The following MAP1A variants were observed in gnomAD, a reference collection of about 807,000 sequenced individuals.
MAP1A encodes the protein microtubule associated protein 1A.
A neutral mutation model predicts 185.9 loss-of-function variants in MAP1A; 42 were observed. The observed-to-expected ratio is 0.23, with a 90% CI of 0.18 to 0.29. MAP1A has a LOEUF of 0.29. Ranked by LOEUF, MAP1A falls within the 10% of genes least tolerant of loss-of-function variation. MAP1A has a pLI of 1.00. For missense variants in MAP1A, 2,995 were observed against 3,450.4 expected, an observed-to-expected ratio of 0.87 and a Z score of 3.31; for synonymous variants, 1,229 against 1,335.9, an observed-to-expected ratio of 0.92 and a Z score of 1.74.
At position 43,527,094 on chromosome 15, in the gene MAP1A, C is replaced by T. The variant is rs1283789148; in HGVS notation, c.5621C>T (p.Ala1874Val). Residue 1874 changes from alanine to valine, a missense_variant, in exon 4 of 6, where the codon GCA (alanine) becomes GTA (valine). This residue lies in a region of MAP1A where 2,728 missense variants were observed against 2,986.0 expected (regional missense o/e 0.91). Transcript: ENST00000300231. The stretch of plus-strand genomic sequence containing the variant: ...CCTGCCCCGGAATCCCATACTCCTG[C>T]ACCCTTCTCTTGGGGCACAGCCGAG... Reference protein sequence around the residue: ...PTPAPESHTPAPFSWGTAEYD... With the variant: ...PTPAPESHTPVPFSWGTAEYD... The T allele has an allele frequency of 1.3e-6, 2 of 1,594,766 alleles. No homozygotes were observed. Among genetic ancestry groups the T allele is most frequent in the South Asian group, 1.1e-5 (1 of 87,188 alleles).
At chr15:43,511,743 T>A (rs981397010) in intron 1 of MAP1A, among the ~76,000 whole-genome samples, 2 of 152,146 alleles carry the variant, frequency 1.3e-5, no homozygotes, top group African/African-American at 2.4e-5. Flanking sequence ...TGTGGTGCAG[T>A]GCTGCGGAGC....
Position 43,521,713 on chromosome 15 carries a change from C to A in MAP1A, c.240C>A (p.Asp80Glu). ...SCFWKLVRHL[D>E]RIDSVLLTHI... ...TTTGGAAGCTGGTACGGCACTTGGA[C>A]CGCATTGACTCGGTGCTACTCACAC... The change falls in exon 4 of 6, where the codon GAC becomes GAA. Residue 80 changes from aspartate to glutamate, a missense_variant. Asp to Glu is a conservative substitution (Grantham distance 45). Around this residue, in one of 3 missense-constraint regions of MAP1A, gnomAD observed 264 missense variants for 435.3 expected, o/e 0.61. Transcript: ENST00000300231. The surrounding 1 kb of genome is among the most constrained non-coding windows in gnomAD (Gnocchi z 4.6). 1 of 1,614,202 alleles carries A rather than the reference C, an allele frequency of 6.2e-7. No individual in the cohort carries two copies. The highest frequency in any genetic ancestry group is 8.5e-7 in the Non-Finnish European group (1 of 1,180,040).
rs1237880391 is a variant in MAP1A, at chr15:43,523,298, G to A, written c.1825G>A (p.Gly609Ser). The A allele has an allele frequency of 3.7e-6, 6 of 1,612,764 alleles. No individual in the cohort carries two copies. Among genetic ancestry groups the A allele is most frequent in the Non-Finnish European group, 2.5e-6 (3 of 1,179,426 alleles). Residue 609 changes from glycine to serine, a missense_variant, in exon 4 of 6, where the codon GGC becomes AGC. This residue lies in a region of MAP1A where 2,728 missense variants were observed against 2,986.0 expected (regional missense o/e 0.91). Transcript: ENST00000300231. ...TGAGGAACAAGGCAGCAAGGACAGA[G>A]GCCTAGACTCTGGGGCTGAAACAGA... ...VPEEQGSKDRGLDSGAETEEE... is the reference protein window; with the variant it reads ...VPEEQGSKDRSLDSGAETEEE...
At chr15:43,518,517 C>A (rs1435033481) in intron 1 of MAP1A, among the ~76,000 whole-genome samples, 2 of 152,156 alleles carry the variant, frequency 1.3e-5, no homozygotes, top group South Asian at 4.1e-4. Context: ...ATCCCCACCC[C>A]CCATGCAGAA....
rs1165081241 is a variant in MAP1A, at chr15:43,524,299, G to A, written c.2826G>A (p.Glu942=). The change falls in exon 4 of 6, where the codon GAG becomes GAA. Residue 942 remains glutamate, a synonymous_variant. Coordinates refer to ENST00000300231, the MANE Select transcript of MAP1A (RefSeq NM_002373.6). ...GAGAGAGAGCTGTGGAAGAGGAAGA[G>A]GAGGAGACAGCAAACGTAGAGATGT... is the stretch of plus-strand genomic sequence containing the variant. ...LSGERAVEEE[E]EETANVEMSE... 2 of 1,614,100 alleles carry A rather than the reference G, an allele frequency of 1.2e-6. No individual in the cohort carries two copies. The highest frequency in any genetic ancestry group is 2.2e-5 in the East Asian group (1 of 44,900).
In MAP1A at chr15:43,530,704, T is replaced by C; in HGVS notation, c.*480T>C. ...AGGTGCCCAGAGCTGCACCCTTTCC[T>C]CCATTTCCCATCCCCCATCTCCTCA... On this transcript the variant is annotated 3_prime_UTR_variant, in exon 6 of 6. Coordinates refer to ENST00000300231, the MANE Select transcript of MAP1A (RefSeq NM_002373.6). The C allele has an allele frequency of 5.9e-6, 1 of 168,882 alleles. No homozygotes were observed. 10.5% of individuals were successfully genotyped at this position (168,882 alleles called of 1,614,324 possible). A position where few individuals can be genotyped will look rare whatever the true frequency, so the allele number is the denominator to read the frequency against.
chr15:43,525,754 G>A lies in MAP1A; in HGVS notation c.4281G>A (p.Lys1427=), dbSNP rs1595649377. The change falls in exon 4 of 6, where the codon AAG becomes AAA. Residue 1427 remains lysine, a synonymous_variant. Coordinates refer to ENST00000300231, the MANE Select transcript of MAP1A (RefSeq NM_002373.6). ...ACACAGCCCTAGAACAGAAGGACAAGGCCCTGGAACCAAAAGACAAAGACT... is the reference window on the plus strand; with the variant it reads ...ACACAGCCCTAGAACAGAAGGACAAAGCCCTGGAACCAAAAGACAAAGACT... ...QKDTALEQKD[K]ALEPKDKDLE... 2 of 1,614,080 alleles carry A rather than the reference G, an allele frequency of 1.2e-6. No individual in the cohort carries two copies. Among genetic ancestry groups the A allele is most frequent in the East Asian group, 4.5e-5 (2 of 44,890 alleles).
chr15:43,529,425 C>T lies in MAP1A; in HGVS notation c.7952C>T (p.Thr2651Ile). The T allele has an allele frequency of 6.2e-7, 1 of 1,613,946 alleles. No individual in the cohort carries two copies. Among genetic ancestry groups the T allele is most frequent in the South Asian group, 1.1e-5 (1 of 91,076 alleles). Residue 2651 changes from threonine to isoleucine, a missense_variant, in exon 4 of 6, where the codon ACA (threonine) becomes ATA (isoleucine). This residue lies in a region of MAP1A where 2,728 missense variants were observed against 2,986.0 expected (regional missense o/e 0.91). Coordinates refer to ENST00000300231, the MANE Select transcript of MAP1A (RefSeq NM_002373.6). The surrounding 1 kb of genome is among the most constrained non-coding windows in gnomAD (Gnocchi z 4.3). Reference sequence around the variant, plus strand: ...GCCCCACCTCGACCACGCAGCACCACAAGCCAGGTCACCCCAGCAGAGGAA... The same window carrying T: ...GCCCCACCTCGACCACGCAGCACCATAAGCCAGGTCACCCCAGCAGAGGAA... ...SRAPPRPRST[T>I]SQVTPAEEKD...
At position 43,528,202 on chromosome 15, in the gene MAP1A, C is replaced by T; in HGVS notation, c.6729C>T (p.Leu2243=). The change falls in exon 4 of 6, where the codon CTC becomes CTT. Residue 2243 remains leucine (L), a synonymous_variant. Transcript: ENST00000300231. ...CACCCAGTTCTCCTGGGGCCCCTCT[C>T]CTCTCCAATCTGCCACGACCTGCCT... The part of the protein sequence containing the change: ...LPSPSSPGAP[L]LSNLPRPASP... 1.9e-6 allele frequency: 3 copies of T among 1,614,152 alleles called. No homozygotes were observed. Among genetic ancestry groups the T allele is most frequent in the Non-Finnish European group, 2.5e-6 (3 of 1,180,038 alleles).
rs774257381 is a variant in MAP1A, at chr15:43,524,066, AGCT to A, written c.2594_2596del (p.Ser865_Ser866delinsThr). ...TCCCCAGACAGAGGAGACAGGCAAG[AGCT>A]CCCTGCTGCTTGACACAGTCACAAG... On this transcript the variant is annotated inframe_deletion, in exon 4 of 6. Coordinates refer to ENST00000300231, the MANE Select transcript of MAP1A (RefSeq NM_002373.6). 3 of 1,613,982 alleles carry A rather than the reference AGCT, an allele frequency of 1.9e-6. No homozygotes were observed. The highest frequency in any genetic ancestry group is 3.3e-5 in the Admixed American group (2 of 59,996).
In MAP1A at chr15:43,526,723, CT is replaced by C; in HGVS notation, c.5251del (p.Trp1751GlyfsTer17). The part of the protein sequence containing the change: ...PLREHATRSP[W>X]ASDFKDFQES... Reference sequence around the variant, plus strand: ...TGCGGGAACACGCAACCCGGAGCCCCTGGGCCTCAGACTTCAAGGATTTCCA... The same window carrying C: ...TGCGGGAACACGCAACCCGGAGCCCCGGGCCTCAGACTTCAAGGATTTCCA... On this transcript the variant is annotated frameshift_variant, in exon 4 of 6. Coordinates refer to ENST00000300231, the MANE Select transcript of MAP1A (RefSeq NM_002373.6). LOFTEE classifies it high-confidence loss of function. This position sits in a 1 kb window ranked among gnomAD's most constrained non-coding sequence, Gnocchi z 4.7. The C allele has an allele frequency of 6.2e-7, 1 of 1,614,098 alleles. No homozygotes were observed.
In MAP1A at chr15:43,521,613, G is replaced by T; in HGVS notation, c.140G>T (p.Arg47Leu). Residue 47 changes from arginine to leucine, a missense_variant, in exon 4 of 6, where the codon CGT becomes CTT. Physicochemically the swap from Arg to Leu is moderately radical, Grantham distance 102. Transcript: ENST00000300231. The surrounding 1 kb of genome is among the most constrained non-coding windows in gnomAD (Gnocchi z 4.6). ...TGTTGCTACATCTTCCCAGGTGGTC[G>T]TGGGGACTCTGCCCTCTTTGCTGTC... ...KPCCYIFPGG[R>L]GDSALFAVNG... The T allele has an allele frequency of 6.2e-7, 1 of 1,614,088 alleles. No individual in the cohort carries two copies. Among genetic ancestry groups the T allele is most frequent in the Non-Finnish European group, 8.5e-7 (1 of 1,180,024 alleles).
chr15:43,528,033 G>T lies in MAP1A; in HGVS notation c.6560G>T (p.Arg2187Leu). Residue 2187 changes from arginine to leucine, a missense_variant, in exon 4 of 6, where the codon CGC becomes CTC. Physicochemically the swap from Arg to Leu is moderately radical, Grantham distance 102. This residue lies in a region of MAP1A where 2,728 missense variants were observed against 2,986.0 expected (regional missense o/e 0.91). Transcript: ENST00000300231. ...CAGCTGCCCTCTCCAGCTGAACCCC[G>T]CTCGGCACCCTGTGGCTCCCTTGCC... ...PPQLPSPAEPRSAPCGSLAFS... is the reference protein window; with the variant it reads ...PPQLPSPAEPLSAPCGSLAFS... 1 of 1,613,810 alleles carries T rather than the reference G, an allele frequency of 6.2e-7. No individual in the cohort carries two copies. Among genetic ancestry groups the T allele is most frequent in the Non-Finnish European group, 8.5e-7 (1 of 1,180,000 alleles).
At chr15:43,511,064 C>G (rs574402433) in exon 1 of MAP1A, 2 of 1,549,458 alleles carry the variant, frequency 1.3e-6, no homozygotes, top group East Asian at 2.4e-5. Flanking sequence ...GCTCCGAAGT[C>G]CCGGCGCACC....
upstream of MAP1A, among the ~76,000 whole-genome samples, chr15:43,515,749 G>C (rs1023607281): frequency 2.0e-5 from 3 of 152,204 alleles, no homozygotes; most frequent in Non-Finnish European, 4.4e-5. Context: ...AGCATGATTA[G>C]TAAAATGGTG....
exon 1 of MAP1A, chr15:43,511,071 C>T: frequency 6.5e-7 from 1 of 1,549,644 alleles, no homozygotes; most frequent in Non-Finnish European, 8.7e-7. Context: ...AGTCCCGGCG[C>T]ACCGCTGGCT....
At chr15:43,513,099 C>T (rs971789660), upstream of MAP1A, among the ~76,000 whole-genome samples, 5 of 152,054 alleles carry the variant, frequency 3.3e-5, no homozygotes, top group South Asian at 2.1e-4. Context: ...GAGGCTGAGG[C>T]GGGGAGATCA....
chr15:43,526,288 G>C lies in MAP1A; in HGVS notation c.4815G>C (p.Lys1605Asn), dbSNP rs2584697. ...AGGAAAAATCCCCAGAAAAGGTCAA[G>C]GCCATGGAAGAGAAGTTAGAAGCTC... is the stretch of plus-strand genomic sequence containing the variant. ...MLEEKSPEKV[K>N]AMEEKLEALL... Residue 1605 changes from lysine to asparagine, a missense_variant, in exon 4 of 6, where the codon AAG becomes AAC. Physicochemically the swap from Lys to Asn is moderately conservative, Grantham distance 94. Coordinates refer to ENST00000300231, the MANE Select transcript of MAP1A (RefSeq NM_002373.6). The surrounding 1 kb of genome is among the most constrained non-coding windows in gnomAD (Gnocchi z 4.7). The C allele has an allele frequency of 2.5e-6, 4 of 1,614,082 alleles. No individual in the cohort carries two copies. The African/African-American group carries it at 4.0e-5, about 16-fold the overall frequency.
At position 43,529,840 on chromosome 15, in the gene MAP1A, G is replaced by T. The variant is rs563053708; in HGVS notation, c.8226G>T (p.Glu2742Asp). 6 of 1,613,924 alleles carry T rather than the reference G, an allele frequency of 3.7e-6. No individual in the cohort carries two copies. The Admixed American group carries it at 5.0e-5, about 13-fold the overall frequency. Reference sequence around the variant, plus strand: ...GGGCTGTGCTGGATGCCCTGCTGGAGGGCAAGGCCCAGTGGGGGGAGAATC... The same window carrying T: ...GGGCTGTGCTGGATGCCCTGCTGGATGGCAAGGCCCAGTGGGGGGAGAATC... ...PSRAVLDALLEGKAQWGENLQ... is the reference protein window; with the variant it reads ...PSRAVLDALLDGKAQWGENLQ... Residue 2742 changes from glutamate (E) to aspartate (D), a missense_variant, in exon 5 of 6, where the codon GAG becomes GAT. Physicochemically the swap from Glu to Asp is conservative, Grantham distance 45 (BLOSUM62 2). Coordinates refer to ENST00000300231, the MANE Select transcript of MAP1A (RefSeq NM_002373.6). This position sits in a 1 kb window ranked among gnomAD's most constrained non-coding sequence, Gnocchi z 4.3.
Sources: allele counts gnomAD v4.1 joint callset (sites outside exome capture counted in the v4.1 genomes callset), GRCh38; gene constraint gnomAD v4.1.1; regional missense constraint gnomAD v4.1.1; non-coding constraint Gnocchi (gnomAD v3.1); transcripts MANE v1.5; gene names NCBI Gene and HGNC (gene_info 2026-07-23, HGNC 2026-07-21).